JAG2: variants seen among roughly 807,000 people sequenced by gnomAD.
JAG2 encodes protein jagged-2.
A neutral mutation model predicts 141.7 loss-of-function variants in JAG2; 46 were observed. The ratio of observed to expected loss-of-function variants is 0.32; its 90% CI spans 0.26 to 0.42. JAG2 has a LOEUF of 0.42. JAG2 is among the 10% of genes least tolerant of loss of function. The pLI is 1.00. For synonymous variants in JAG2, 862 were observed against 763.5 expected, an observed-to-expected ratio of 1.13 and a Z score of -2.13; for missense variants, 1,500 against 1,817.5, an observed-to-expected ratio of 0.83 and a Z score of 3.18.
intron 9 of JAG2, 40 bp downstream of exon 9, chr14:105,151,243 G>A (rs373530904): frequency 3.1e-5 from 34 of 1,109,946 alleles, no homozygotes; most frequent in Non-Finnish European, 4.3e-5. Context: ...CAGCCCGCAT[G>A]CGCGGCCCAC....
chr14:105,143,437 G>A (rs1888124733), intron 25 of JAG2, 45 bp downstream of exon 25: 17 of 1,536,184 alleles, frequency 1.1e-5, no homozygotes, highest in Non-Finnish European at 1.3e-5. Context: ...CAATGCCTGA[G>A]TTGCCTGCCT....
At position 105,142,920 on chromosome 14, in the gene JAG2, C is replaced by T. The variant is rs375025132; in HGVS notation, c.3492G>A (p.Ala1164=). Residue 1164 remains alanine (A), a synonymous_variant, in exon 26 of 26, where the codon GCG becomes GCA. Coordinates refer to ENST00000331782, the MANE Select transcript of JAG2 (RefSeq NM_002226.5). ...FTPPPRRADE[A]LPGPAGHAAV... is the part of the protein sequence containing the mutation. ...CCGCGTGGCCGGCCGGCCCGGGCAG[C>T]GCCTCGTCCGCCCTGCGCGGCGGCG... The T allele has an allele frequency of 3.0e-5, 48 of 1,607,372 alleles. No homozygotes were observed. Among genetic ancestry groups the T allele is most frequent in the African/African-American group, 6.7e-5 (5 of 74,776 alleles).
At chr14:105,143,210 G>A (rs1888117542) in intron 25 of JAG2, 40 bp from the exon 26 acceptor site, 1 of 1,568,672 alleles carries the variant, frequency 6.4e-7, no homozygotes, top group Non-Finnish European at 8.6e-7. Context: ...AATGAGGCCT[G>A]GGCACCTGCG....
In JAG2 at chr14:105,149,084, C is replaced by T. The variant is rs764488533; in HGVS notation, c.1759G>A (p.Asp587Asn). The T allele has an allele frequency of 2.5e-6, 4 of 1,608,436 alleles. No individual in the cohort carries two copies. The highest frequency in any genetic ancestry group is 2.2e-5 in the South Asian group (2 of 90,558). The part of the protein sequence containing the change: ...PCPGGACRVI[D>N]GCGSDAGPGM... ...GGCCCCGCGTCTGACCCGCAGCCAT[C>T]GATCACTATGGCAGGCAGTACAGTC... is the stretch of plus-strand genomic sequence containing the variant. Residue 587 changes from aspartate (D) to asparagine (N), a missense_variant, in exon 14 of 26, where the codon GAT (aspartate) becomes AAT (asparagine). This residue lies in a region of JAG2 where 875 missense variants were observed against 1,202.2 expected (regional missense o/e 0.73). Transcript: ENST00000331782.
rs965952548 is a variant in JAG2, at chr14:105,167,072, G to C, written c.417+685C>G. On this transcript the variant is annotated intron_variant, in intron 2 of 25. Transcript: ENST00000331782. This position sits in a 1 kb window ranked among gnomAD's most constrained non-coding sequence, Gnocchi z 4.8. ...CCAGCACGCCCAGGCCAGGGCTCCTGCCTGACTGGCCACCTGCCAGGGGAG... is the reference window on the plus strand; with the variant it reads ...CCAGCACGCCCAGGCCAGGGCTCCTCCCTGACTGGCCACCTGCCAGGGGAG... Among the ~76,000 whole-genome samples the C allele has an allele frequency of 1.3e-5, 2 of 152,044 alleles. No homozygotes were observed. Among genetic ancestry groups the C allele is most frequent in the Non-Finnish European group, 1.5e-5 (1 of 67,998 alleles).
intron 9 of JAG2, 84 bp from the exon 10 acceptor site, chr14:105,151,188 C>T: frequency 7.1e-7 from 1 of 1,416,248 alleles, no homozygotes; most frequent in Non-Finnish European, 9.6e-7. Flanking sequence ...CGCAGCCCAG[C>T]AGCCCCAGCA....
At position 105,143,556 on chromosome 14, in the gene JAG2, C is replaced by G. The variant is rs376433872; in HGVS notation, c.3167G>C (p.Arg1056Pro). ...AGCCAGGAGCAGTGAGCTGTTCCCCCGCTGGGTGATGGCGGCCACGATGGC... is the reference window on the plus strand; with the variant it reads ...AGCCAGGAGCAGTGAGCTGTTCCCCGGCTGGGTGATGGCGGCCACGATGGC... ...AHAIVAAITQRGNSSLLLAVT... is the reference protein window; with the variant it reads ...AHAIVAAITQPGNSSLLLAVT... Residue 1056 changes from arginine (R) to proline (P), a missense_variant, in exon 25 of 26, where the codon CGG becomes CCG. Transcript: ENST00000331782. 1 of 1,599,248 alleles carries G rather than the reference C, an allele frequency of 6.3e-7. No homozygotes were observed. The highest frequency in any genetic ancestry group is 2.3e-5 in the East Asian group (1 of 44,336).
At chr14:105,148,291 G>A (rs772574429) in intron 16 of JAG2, 35 bp downstream of exon 16, 8 of 1,590,252 alleles carry the variant, frequency 5.0e-6, no homozygotes, top group South Asian at 1.1e-5. Flanking sequence ...GGTCCTGGGG[G>A]CAGCCCCAGG....
rs760671738 is a variant in JAG2, at chr14:105,142,771, T to C, written c.3641A>G (p.His1214Arg). The change falls in exon 26 of 26, where the codon CAC becomes CGC. Residue 1214 changes from histidine to arginine, a missense_variant. Physicochemically the swap from His to Arg is conservative, Grantham distance 29. Around this residue, in one of 3 missense-constraint regions of JAG2, gnomAD observed 425 missense variants for 441.0 expected, o/e 0.96. Transcript: ENST00000331782. ...GTCCACTTTGGGGCCTGAGGCCCAG[T>C]GGGCCGGCCTCCCCGGCGAGCGGCC... ...DPGRSPGRPA[H>R]WASGPKVDNR... The C allele has an allele frequency of 1.2e-6, 2 of 1,610,762 alleles. No individual in the cohort carries two copies. The highest frequency in any genetic ancestry group is 1.3e-5 in the African/African-American group (1 of 74,884).
chr14:105,148,052 C>G (rs1238370241), intron 17 of JAG2, 64 bp downstream of exon 17: 22 of 1,384,088 alleles, frequency 1.6e-5, no homozygotes, highest in Non-Finnish European at 2.2e-5. Context: ...CCCATCGCGC[C>G]CGAGGGAGCG....
Position 105,146,218 on chromosome 14 carries a change from A to T in JAG2, c.2709+167T>A, listed in dbSNP as rs115110467. 5.5e-3 allele frequency among the ~76,000 whole-genome samples: 836 copies of T among 152,276 alleles called. 10 individuals are homozygous for T. The highest frequency in any genetic ancestry group is 0.019 in the African/African-American group (797 of 41,554). On this transcript the variant is annotated intron_variant, in intron 22 of 25. Coordinates refer to ENST00000331782, the MANE Select transcript of JAG2 (RefSeq NM_002226.5). The stretch of plus-strand genomic sequence containing the variant: ...ACCAGGCCTGTTTTCCCAACTGCAC[A>T]TCGAAGCATGGGGCCTGGCTGAGCT...
At chr14:105,160,547 G>A (rs1297707648) in intron 2 of JAG2, among the ~76,000 whole-genome samples, 1 of 151,900 alleles carries the variant, frequency 6.6e-6, no homozygotes, top group African/African-American at 2.4e-5. Context: ...AAAGCAACAG[G>A]GGGCAGGGGC....
chr14:105,153,207 A>G (rs746748764), intron 5 of JAG2, among the ~76,000 whole-genome samples: 1 of 152,058 alleles, frequency 6.6e-6, no homozygotes, highest in Non-Finnish European at 1.5e-5. Context: ...GGAAAGAACC[A>G]CGGCCCTTCC....
chr14:105,158,983 C>A (rs1251996323), intron 2 of JAG2, among the ~76,000 whole-genome samples: 2 of 152,062 alleles, frequency 1.3e-5, no homozygotes, highest in African/African-American at 2.4e-5. Context: ...CCGCCCACCC[C>A]ACGCACGTCC....
chr14:105,145,299 C>T (rs1049542972), intron 23 of JAG2, among the ~76,000 whole-genome samples: 1 of 152,196 alleles, frequency 6.6e-6, no homozygotes, highest in Admixed American at 6.5e-5. Flanking sequence ...ACCTGCAGGC[C>T]AGTGGGGGAA....
chr14:105,151,231 C>T (rs143758628), intron 9 of JAG2, 52 bp downstream of exon 9: 85 of 669,420 alleles, frequency 1.3e-4, no homozygotes, highest in Non-Finnish European at 1.9e-4. Context: ...CAGCAGCCCC[C>T]GCAGCCCGCA....
In JAG2 at chr14:105,152,144, C is replaced by A. The variant is rs1178808184; in HGVS notation, c.919+17G>T. ...CTTCGATGGCAGAGCATTAGGCCTG[C>A]CGCCCCCTACCACTACCTTTGTCAC... On this transcript the variant is annotated intron_variant, in intron 6 of 25. Coordinates refer to ENST00000331782, the MANE Select transcript of JAG2 (RefSeq NM_002226.5). The A allele has an allele frequency of 1.2e-6, 2 of 1,613,640 alleles. No homozygotes were observed. Among genetic ancestry groups the A allele is most frequent in the Non-Finnish European group, 1.7e-6 (2 of 1,180,004 alleles).
intron 21 of JAG2, 32 bp downstream of exon 21, chr14:105,146,569 CCCCCAACCCG>C (rs781078905): frequency 2.5e-6 from 4 of 1,606,888 alleles, no homozygotes; most frequent in East Asian, 2.2e-5. Context: ...TCACCCATGC[CCCCCAACCCG>C]CCCCAACCCA....
At position 105,151,274 on chromosome 14, in the gene JAG2, A is replaced by G. The variant is rs775462150; in HGVS notation, c.1267+9T>C. The G allele has an allele frequency of 4.3e-6, 7 of 1,609,804 alleles. No homozygotes were observed. In the South Asian group the frequency reaches 6.6e-5, roughly 15 times the overall value. ...CCCACGTTCCCATGCACTCGCTCGG[A>G]GCCCTTACCCAGCTGGCAGGTGGCC... On this transcript the variant is annotated intron_variant, in intron 9 of 25. Coordinates refer to ENST00000331782, the MANE Select transcript of JAG2 (RefSeq NM_002226.5).
Sources: gnomAD v4.1 joint callset for allele counts (sites outside exome capture counted in the v4.1 genomes callset) on GRCh38, gnomAD v4.1.1 for gene constraint, gnomAD v4.1.1 regional missense constraint, Gnocchi (gnomAD v3.1) non-coding constraint, MANE v1.5 for transcripts, NCBI Gene and HGNC (gene_info 2026-07-23, HGNC 2026-07-21) for gene names.